TSBP1: variants seen among roughly 807,000 people sequenced by gnomAD.
TSBP1 encodes the protein testis-expressed basic protein 1.
Under a neutral mutation model 68.8 loss-of-function variants are expected in TSBP1, and 56 were observed. That is an observed-to-expected ratio of 0.81 (90% CI 0.66 to 1.02). The LOEUF is 1.02. TSBP1 is among the 50% of genes least tolerant of loss of function. The pLI, the probability that TSBP1 is intolerant of heterozygous loss-of-function variation, is 0.00. For missense variants in TSBP1, 502 were observed against 641.2 expected (o/e 0.78, Z 2.34); for synonymous variants, 171 against 208.7 (o/e 0.82, Z 1.56).
intron 2 of TSBP1, 150 bp from the exon 3 acceptor site, chr6:32,368,964 A>G (rs1315053003): frequency 8.7e-6 from 8 of 920,146 alleles, no homozygotes. Flanking sequence ...CATTTTCCAC[A>G]TCTCCCATCA....
At chr6:32,299,325 T>C (rs1300575174) in intron 22 of TSBP1, among the ~76,000 whole-genome samples, 1 of 152,240 alleles carries the variant, frequency 6.6e-6, no homozygotes, top group African/African-American at 2.4e-5. Flanking sequence ...CAATGCTCAA[T>C]ACCTACTGTC....
At chr6:32,347,277 C>T (rs914168572) in intron 9 of TSBP1, among the ~76,000 whole-genome samples, 10 of 151,856 alleles carry the variant, frequency 6.6e-5, no homozygotes, top group African/African-American at 2.2e-4. Flanking sequence ...GATCCTCCCA[C>T]CTCAGCCTTC....
chr6:32,331,639 C>T lies in TSBP1; in HGVS notation c.493+395G>A, dbSNP rs538398084. On this transcript the variant is annotated intron_variant, in intron 15 of 22. Coordinates refer to ENST00000612031, the Ensembl canonical transcript of TSBP1. ...AAAGTGCAAGGAACACTACATTCTG[C>T]AGGAACAAGGGCCAGAACCCCCTCA... is the stretch of plus-strand genomic sequence containing the variant. Among the ~76,000 whole-genome samples, 9 of 152,292 alleles carry T rather than the reference C, an allele frequency of 5.9e-5. No homozygotes were observed. In the East Asian group the frequency reaches 1.5e-3, roughly 26 times the overall value.
intron 19 of TSBP1, among the ~76,000 whole-genome samples, chr6:32,312,125 G>A (rs9501173): frequency 0.072 from 10,972 of 152,166 alleles, 519 homozygotes; most frequent in East Asian, 0.19. Flanking sequence ...CAGGGACTAG[G>A]CATGGTCGAG....
chr6:32,371,678 G>T lies in TSBP1; in HGVS notation c.13+16C>A. ...ACTAGAGTTGAGGAAGCCTCAAAGAGGGAGTTAGTCCATACCCAAGACTGT... is the reference window on the plus strand; with the variant it reads ...ACTAGAGTTGAGGAAGCCTCAAAGATGGAGTTAGTCCATACCCAAGACTGT... On this transcript the variant is annotated intron_variant, in intron 1 of 22. Coordinates refer to ENST00000612031, the Ensembl canonical transcript of TSBP1. 2.5e-6 allele frequency: 4 copies of T among 1,600,568 alleles called. No homozygotes were observed. The highest frequency in any genetic ancestry group is 1.1e-5 in the South Asian group (1 of 90,818).
rs1240280290 is a variant in TSBP1, at chr6:32,340,805, T to C, written c.350-1167A>G. ...ATGAGGAGAAAGGAATTTTTCTTTC[T>C]TTTTTTTTTTGAGACAATCTCTCTC... is the stretch of plus-strand genomic sequence containing the variant. On this transcript the variant is annotated intron_variant, in intron 9 of 22. Coordinates refer to ENST00000612031, the Ensembl canonical transcript of TSBP1. This position sits in a 1 kb window ranked among gnomAD's most constrained non-coding sequence, Gnocchi z 4.8. Among the ~76,000 whole-genome samples, 3 of 49,508 alleles carry C rather than the reference T, an allele frequency of 6.1e-5. No homozygotes were observed. The highest frequency in any genetic ancestry group is 5.6e-4 in the Admixed American group (2 of 3,544). The allele number at this position is 49,508 out of a possible 152,430, so 32.5% of individuals were successfully genotyped here. A position where few individuals can be genotyped will look rare whatever the true frequency, so the allele number is the denominator to read the frequency against.
exon 1 of TSBP1, chr6:32,371,799 T>C (rs1774455468): frequency 6.8e-7 from 1 of 1,473,936 alleles, no homozygotes; most frequent in Admixed American, 1.7e-5. Flanking sequence ...GTTCACTGTT[T>C]CTGAGCAATA....
At chr6:32,349,076 G>A (rs1458153845) in intron 9 of TSBP1, among the ~76,000 whole-genome samples, 3 of 152,046 alleles carry the variant, frequency 2.0e-5, no homozygotes, top group Non-Finnish European at 4.4e-5. Context: ...CCTTAGTTCT[G>A]TGACACACTA....
At chr6:32,310,761 A>ATATATATATTTT in intron 19 of TSBP1, among the ~76,000 whole-genome samples, 3 of 144,834 alleles carry the variant, frequency 2.1e-5, no homozygotes, top group South Asian at 2.2e-4. Flanking sequence ...ATATATATAT[A>ATATATATATTTT]TTTTTAATCT....
Position 32,310,971 on chromosome 6 carries a change from C to G in TSBP1, c.580+4801G>C, listed in dbSNP as rs183589629. On this transcript the variant is annotated intron_variant, in intron 19 of 22. Transcript: ENST00000612031. ...CCTATCTTATCAAGGTTACTTATGA[C>G]ATTCATTTTGCAAAATTCCTTGTCA... 6.6e-3 allele frequency among the ~76,000 whole-genome samples: 1,003 copies of G among 152,024 alleles called. 18 individuals are homozygous for G. The highest frequency in any genetic ancestry group is 0.02 in the East Asian group (102 of 5,176).
rs985481261 is a variant in TSBP1 at position 32,325,841 on chromosome 6, G to A, written c.515-2227C>T. 9 of 1,366,228 alleles carry A rather than the reference G, an allele frequency of 6.6e-6. No individual in the cohort carries two copies. In the African/African-American group the frequency reaches 1.0e-4, roughly 15 times the overall value. The allele number at this position is 1,366,228 out of a possible 1,614,324, so 84.6% of individuals were successfully genotyped here. A position where few individuals can be genotyped will look rare whatever the true frequency, so the allele number is the denominator to read the frequency against. On this transcript the variant is annotated intron_variant, in intron 16 of 22. Coordinates refer to ENST00000612031, the Ensembl canonical transcript of TSBP1. The surrounding 1 kb of genome is among the most constrained non-coding windows in gnomAD (Gnocchi z 4.4). The stretch of plus-strand genomic sequence containing the variant: ...AACTTAGGTGGTGGTCATGGAGGTG[G>A]TTTCGGTGGGAATGACAACTTTGAT...
chr6:32,364,447 A>T, intron 6 of TSBP1, among the ~76,000 whole-genome samples: 1 of 125,346 alleles, frequency 8.0e-6, no homozygotes, highest in Non-Finnish European at 1.8e-5. Context: ...TGACTAGATA[A>T]TTTTAAATGA....
intron 16 of TSBP1, chr6:32,323,996 G>T (rs1427939765): frequency 1.3e-5 from 3 of 233,322 alleles, no homozygotes; most frequent in East Asian, 2.0e-4. Context: ...TGCTCAAATT[G>T]TCTTTCAGTT....
chr6:32,296,579 A>T (rs1463373777), intron 22 of TSBP1, among the ~76,000 whole-genome samples: 3 of 152,204 alleles, frequency 2.0e-5, no homozygotes, highest in African/African-American at 7.2e-5. Context: ...ACCAGTGGAC[A>T]CTGTTTTGTT....
rs867075935 is a variant in TSBP1 at position 32,362,555 on chromosome 6, T to A, written c.217+3612A>T. 3.0e-4 allele frequency among the ~76,000 whole-genome samples: 46 copies of A among 152,360 alleles called. 1 individual carries two copies. Among genetic ancestry groups the A allele is most frequent in the African/African-American group, 1.1e-3 (45 of 41,584 alleles). ...CAGATTAAGACAAATATTAACCACT[T>A]ATCAGATATATGGTTTGCAAATATT... On this transcript the variant is annotated intron_variant, in intron 6 of 22. Transcript: ENST00000612031.
rs1273903101 is a variant in TSBP1, at chr6:32,343,273, C to T, written c.350-3635G>A. On this transcript the variant is annotated intron_variant, in intron 9 of 22. Transcript: ENST00000612031. This position sits in a 1 kb window ranked among gnomAD's most constrained non-coding sequence, Gnocchi z 4.3. ...TTGAGGTAAAGCTAAAGAACAATAA[C>T]AATTATTCAAGTCAGTCTAAAGTTT... The T allele has an allele frequency of 5.8e-6, 8 of 1,372,044 alleles. No homozygotes were observed. 85.0% of individuals were successfully genotyped at this position (1,372,044 alleles called of 1,614,324 possible). A position where few individuals can be genotyped will look rare whatever the true frequency, so the allele number is the denominator to read the frequency against.
intron 18 of TSBP1, among the ~76,000 whole-genome samples, chr6:32,318,014 C>A (rs767248426): frequency 4.6e-5 from 7 of 152,254 alleles, no homozygotes; most frequent in South Asian, 2.1e-4. Context: ...GTGTTTATTG[C>A]AGCACTATTC....
Position 32,336,747 on chromosome 6 carries a change from G to A in TSBP1, c.410-112C>T. 2 of 895,190 alleles carry A rather than the reference G, an allele frequency of 2.2e-6. No individual in the cohort carries two copies. The highest frequency in any genetic ancestry group is 2.6e-5 in the East Asian group (1 of 38,508). The allele number at this position is 895,190 out of a possible 1,614,324, so 55.5% of individuals were successfully genotyped here. A position where few individuals can be genotyped will look rare whatever the true frequency, so the allele number is the denominator to read the frequency against. On this transcript the variant is annotated intron_variant, in intron 11 of 22. Coordinates refer to ENST00000612031, the Ensembl canonical transcript of TSBP1. The surrounding 1 kb of genome is among the most constrained non-coding windows in gnomAD (Gnocchi z 5.2). ...ATTCAACCAGAGGAGAACAACTACT[G>A]TGGGACTGCAGATGATCTTAGCCTG...
intron 9 of TSBP1, among the ~76,000 whole-genome samples, chr6:32,344,005 T>C (rs1489579785): frequency 6.6e-6 from 1 of 150,744 alleles, no homozygotes; most frequent in Non-Finnish European, 1.5e-5. Context: ...TGGGCATTAG[T>C]CTTATTTGTC....
Sources: gnomAD v4.1 joint callset for allele counts (sites outside exome capture counted in the v4.1 genomes callset) on GRCh38, gnomAD v4.1.1 for gene constraint, Gnocchi (gnomAD v3.1) non-coding constraint, MANE v1.5 for transcripts, NCBI Gene and HGNC (gene_info 2026-07-23, HGNC 2026-07-21) for gene names.